SLC35B3: variants seen among roughly 807,000 people sequenced by gnomAD.
The protein encoded by SLC35B3 is solute carrier family 35 member B3.
A neutral mutation model predicts 44.1 loss-of-function variants in SLC35B3; 35 were observed. The ratio of observed to expected loss-of-function variants is 0.79; its 90% confidence interval spans 0.61 to 1.05. The LOEUF (loss-of-function observed/expected upper bound fraction) is 1.05. Among genes scored for constraint, SLC35B3 ranks in the 50% least tolerant of loss-of-function variants. The pLI is 0.00. For synonymous variants in SLC35B3, 146 were observed against 167.3 expected (o/e 0.87, Z 0.98); for missense variants, 414 against 476.4 (o/e 0.87, Z 1.22).
chr6:8,430,167 G>C lies in SLC35B3; in HGVS notation c.4-10C>G, dbSNP rs768462689. 3 of 1,527,124 alleles carry C rather than the reference G, an allele frequency of 2.0e-6. No homozygotes were observed. Among genetic ancestry groups the C allele is most frequent in the Non-Finnish European group, 2.6e-6 (3 of 1,141,752 alleles). 94.6% of individuals were successfully genotyped at this position (1,527,124 alleles called of 1,614,324 possible). ...CTTGCTGTGTCAAGTCCTAGAGAAG[G>C]AAATAAGCAATTAAAACATTTACAT... On this transcript the variant is annotated splice_polypyrimidine_tract_variant and intron_variant, in intron 2 of 10. Coordinates refer to ENST00000644923, the MANE Select transcript of SLC35B3 (RefSeq NM_001370476.2).
intron 5 of SLC35B3, among the ~76,000 whole-genome samples, chr6:8,421,187 C>T (rs1034277): frequency 0.54 from 82,035 of 152,094 alleles, 24,363 homozygotes; most frequent in African/African-American, 0.81. Flanking sequence ...TGAATTTTCT[C>T]GTAGTTTGTA....
intron 4 of SLC35B3, among the ~76,000 whole-genome samples, chr6:8,423,407 G>T (rs1161181700): frequency 8.5e-6 from 1 of 116,978 alleles, no homozygotes; most frequent in South Asian, 2.8e-4. Context: ...TTAAGATGAG[G>T]TATCTGACTC....
rs1359547899 is a variant in SLC35B3 at position 8,427,804 on chromosome 6, TTAAG to T, written c.419+129_419+132del. On this transcript the variant is annotated intron_variant, in intron 4 of 10. Coordinates refer to ENST00000644923, the MANE Select transcript of SLC35B3 (RefSeq NM_001370476.2). Reference sequence around the variant, plus strand: ...ATAAATGAATAAAATGTATTTAGTATTAAGTTAGTTACACTAAGAGTTCGTGCCT... The same window carrying T: ...ATAAATGAATAAAATGTATTTAGTATTTAGTTACACTAAGAGTTCGTGCCT... 3 of 654,824 alleles carry T rather than the reference TTAAG, an allele frequency of 4.6e-6. No individual in the cohort carries two copies. In the African/African-American group the frequency reaches 5.6e-5, roughly 12 times the overall value. The allele number at this position is 654,824 out of a possible 1,614,324, so 40.6% of individuals were successfully genotyped here. A position where few individuals can be genotyped will look rare whatever the true frequency, so the allele number is the denominator to read the frequency against.
chr6:8,419,703 AC>A lies in SLC35B3; in HGVS notation c.683-27del. 1 of 1,319,172 alleles carries A rather than the reference AC, an allele frequency of 7.6e-7. No individual in the cohort carries two copies. The highest frequency in any genetic ancestry group is 1.0e-6 in the Non-Finnish European group (1 of 963,966). 81.7% of individuals were successfully genotyped at this position (1,319,172 alleles called of 1,614,324 possible). A position where few individuals can be genotyped will look rare whatever the true frequency, so the allele number is the denominator to read the frequency against. On this transcript the variant is annotated intron_variant, in intron 6 of 10. Transcript: ENST00000644923. The surrounding 1 kb of genome is among the most constrained non-coding windows in gnomAD (Gnocchi z 4.3). ...CTTCAAGAAGGTATTAAAAAAACAA[AC>A]AAAAAAACCCTCCTTATTTAAACAT... is the stretch of plus-strand genomic sequence containing the variant.
At chr6:8,422,672 C>T (rs539115352) in intron 4 of SLC35B3, 48 bp from the exon 4 acceptor site, 73 of 1,437,626 alleles carry the variant, frequency 5.1e-5, no homozygotes, top group Non-Finnish European at 6.6e-5. Context: ...CCAATTCATA[C>T]TACTAAAAGA....
intron 5 of SLC35B3, 87 bp downstream of exon 4, chr6:8,422,383 A>G (rs1443483760): frequency 1.0e-6 from 1 of 992,226 alleles, no homozygotes; most frequent in African/African-American, 1.6e-5. Flanking sequence ...TTGAAAATGT[A>G]ATAGAAGTTT....
In SLC35B3 at chr6:8,433,396, A is replaced by G. The variant is rs1561768109; in HGVS notation, c.3+989T>C. ...TTATACTTGTTTCTCCTAAAAGCCT[A>G]TGAAATCCTTAAGGCAAGAGATATC... On this transcript the variant is annotated intron_variant, in intron 2 of 10. Transcript: ENST00000644923. This position sits in a 1 kb window ranked among gnomAD's most constrained non-coding sequence, Gnocchi z 4.1. Among the ~76,000 whole-genome samples the G allele has an allele frequency of 6.6e-6, 1 of 152,232 alleles. No homozygotes were observed. Among genetic ancestry groups the G allele is most frequent in the Non-Finnish European group, 1.5e-5 (1 of 68,044 alleles).
rs374166309 is a variant in SLC35B3, at chr6:8,421,582, G to A, written c.575-754C>T. On this transcript the variant is annotated intron_variant, in intron 5 of 10. Coordinates refer to ENST00000644923, the MANE Select transcript of SLC35B3 (RefSeq NM_001370476.2). ...CAGAAACACCCGACTATTAAAACAC[G>A]AATATTCCTCGTGACAATTAATGTG... Among the ~76,000 whole-genome samples the A allele has an allele frequency of 8.5e-5, 13 of 152,318 alleles. No homozygotes were observed. In the East Asian group the frequency reaches 2.3e-3, roughly 27 times the overall value.
In SLC35B3 at chr6:8,434,469, C is replaced by T; in HGVS notation, c.-43-39G>A. ...TTATAAAACAGAAAAAACAAAGTTC[C>T]ATCTCATTTCTTTGTACACACATCA... On this transcript the variant is annotated intron_variant, in intron 1 of 10. Coordinates refer to ENST00000644923, the MANE Select transcript of SLC35B3 (RefSeq NM_001370476.2). The surrounding 1 kb of genome is among the most constrained non-coding windows in gnomAD (Gnocchi z 6.3). 1 of 1,575,118 alleles carries T rather than the reference C, an allele frequency of 6.3e-7. No homozygotes were observed. The highest frequency in any genetic ancestry group is 1.1e-5 in the South Asian group (1 of 88,232).
Position 8,433,039 on chromosome 6 carries a change from TA to T in SLC35B3, c.3+1345del, listed in dbSNP as rs756711715. Among the ~76,000 whole-genome samples, 4 of 152,192 alleles carry T rather than the reference TA, an allele frequency of 2.6e-5. No homozygotes were observed. The highest frequency in any genetic ancestry group is 1.5e-5 in the Non-Finnish European group (1 of 68,024). ...ACAGTACCTAGTATGAAACACAAGC[TA>T]AAAATCTGGGAGTCATCTTAAGAAT... On this transcript the variant is annotated intron_variant, in intron 2 of 10. Coordinates refer to ENST00000644923, the MANE Select transcript of SLC35B3 (RefSeq NM_001370476.2). The surrounding 1 kb of genome is among the most constrained non-coding windows in gnomAD (Gnocchi z 4.1).
rs1764265379 is a variant in SLC35B3, at chr6:8,434,240, T to C, written c.3+145A>G. ...AGTCACAATTATTTCAGTTTATTTTTGAGTTTTCCGACCTGAAGGACAAAA... is the reference window on the plus strand; with the variant it reads ...AGTCACAATTATTTCAGTTTATTTTCGAGTTTTCCGACCTGAAGGACAAAA... On this transcript the variant is annotated intron_variant, in intron 2 of 10. Coordinates refer to ENST00000644923, the MANE Select transcript of SLC35B3 (RefSeq NM_001370476.2). This position sits in a 1 kb window ranked among gnomAD's most constrained non-coding sequence, Gnocchi z 6.3. 1.5e-6 allele frequency: 1 copy of C among 657,410 alleles called. No homozygotes were observed. The highest frequency in any genetic ancestry group is 2.5e-5 in the Admixed American group (1 of 39,598). The allele number at this position is 657,410 out of a possible 1,614,324, so 40.7% of individuals were successfully genotyped here.
intron 8 of SLC35B3, 128 bp from the exon 8 acceptor site, chr6:8,417,123 G>A: frequency 1.7e-6 from 1 of 578,304 alleles, no homozygotes; most frequent in Non-Finnish European, 3.0e-6. Context: ...GTCAAGCAAA[G>A]ATTCTTATTT....
At position 8,432,411 on chromosome 6, in the gene SLC35B3, G is replaced by A. The variant is rs150925552; in HGVS notation, c.3+1974C>T. 5.3e-5 allele frequency among the ~76,000 whole-genome samples: 8 copies of A among 151,928 alleles called. No individual in the cohort carries two copies. Among genetic ancestry groups the A allele is most frequent in the East Asian group, 3.9e-4 (2 of 5,166 alleles). On this transcript the variant is annotated intron_variant, in intron 2 of 10. Coordinates refer to ENST00000644923, the MANE Select transcript of SLC35B3 (RefSeq NM_001370476.2). This position sits in a 1 kb window ranked among gnomAD's most constrained non-coding sequence, Gnocchi z 4.8. ...TCAAAACATTTCTCCAGAAGGTCACGCTTTCCCAAAGTCACCTTCTTCTGA... is the reference window on the plus strand; with the variant it reads ...TCAAAACATTTCTCCAGAAGGTCACACTTTCCCAAAGTCACCTTCTTCTGA...
chr6:8,414,992 AAT>A lies in SLC35B3; in HGVS notation c.986-17_986-16del. 6.3e-7 allele frequency: 1 copy of A among 1,576,178 alleles called. No homozygotes were observed. The highest frequency in any genetic ancestry group is 1.1e-5 in the South Asian group (1 of 88,184). Reference sequence around the variant, plus strand: ...TCCTGTTGTCACTGTAGGAGCAAAAAATTAGTTTAGAATGTGCCTATTATCTT... The same window carrying A: ...TCCTGTTGTCACTGTAGGAGCAAAAATAGTTTAGAATGTGCCTATTATCTT... On this transcript the variant is annotated splice_polypyrimidine_tract_variant and intron_variant, in intron 9 of 10. Coordinates refer to ENST00000644923, the MANE Select transcript of SLC35B3 (RefSeq NM_001370476.2).
intron 9 of SLC35B3, 124 bp downstream of exon 8, chr6:8,416,760 A>G (rs1273453711): frequency 2.1e-6 from 1 of 468,574 alleles, no homozygotes; most frequent in Non-Finnish European, 3.8e-6. Context: ...CCAAAGAATA[A>G]ATTGGTGAAA....
rs1581280477 is a variant in SLC35B3 at position 8,433,472 on chromosome 6, T to G, written c.3+913A>C. The stretch of plus-strand genomic sequence containing the variant: ...AAAAATGTAAGATTAAATGAAGGAC[T>G]CTACCACAGTTTAGCAAGCACCATT... On this transcript the variant is annotated intron_variant, in intron 2 of 10. Coordinates refer to ENST00000644923, the MANE Select transcript of SLC35B3 (RefSeq NM_001370476.2). This position sits in a 1 kb window ranked among gnomAD's most constrained non-coding sequence, Gnocchi z 4.1. Among the ~76,000 whole-genome samples, 1 of 152,332 alleles carries G rather than the reference T, an allele frequency of 6.6e-6. No individual in the cohort carries two copies. Among genetic ancestry groups the G allele is most frequent in the East Asian group, 1.9e-4 (1 of 5,180 alleles).
rs759459928 is a variant in SLC35B3, at chr6:8,430,032, A to G, written c.129T>C (p.Tyr43=). ...TTTTGGATGGCACAGTGATAGAAAT[A>G]TATTTCCTGGAATTGTTGAACTTGA... The change falls in exon 3 of 11, where the codon TAT becomes TAC. Residue 43 remains tyrosine, a synonymous_variant. Transcript: ENST00000644923. 1.9e-6 allele frequency: 3 copies of G among 1,613,996 alleles called. No individual in the cohort carries two copies. Among genetic ancestry groups the G allele is most frequent in the African/African-American group, 1.3e-5 (1 of 75,024 alleles).
intron 4 of SLC35B3, among the ~76,000 whole-genome samples, chr6:8,426,934 G>A (rs990059460): frequency 6.6e-6 from 1 of 152,198 alleles, no homozygotes; most frequent in Admixed American, 6.5e-5. Context: ...TGAGGAACTT[G>A]TTGGGAACTA....
Position 8,435,384 on chromosome 6 carries a change from CG to C in SLC35B3, c.-86del. On this transcript the variant is annotated 5_prime_UTR_variant, in exon 1 of 11. It introduces an in-frame stop codon into an upstream open reading frame of the 5' UTR. Transcript: ENST00000644923. This position sits in a 1 kb window ranked among gnomAD's most constrained non-coding sequence, Gnocchi z 5.5. ...CACCCGGAAGGGTGACGGCAGCCTG[CG>C]TGGCGTCTGAGCTAGACGGAGCATC... 7.8e-7 allele frequency: 1 copy of C among 1,288,772 alleles called. No individual in the cohort carries two copies. Among genetic ancestry groups the C allele is most frequent in the Non-Finnish European group, 1.0e-6 (1 of 988,790 alleles). The allele number at this position is 1,288,772 out of a possible 1,614,324, so 79.8% of individuals were successfully genotyped here.
Sources: allele counts gnomAD v4.1 joint callset (sites outside exome capture counted in the v4.1 genomes callset), GRCh38; gene constraint gnomAD v4.1.1; non-coding constraint Gnocchi (gnomAD v3.1); transcripts MANE v1.5; gene names NCBI Gene and HGNC (gene_info 2026-07-23, HGNC 2026-07-21).